The following NFIC variants were observed in gnomAD, a reference collection of about 807,000 sequenced individuals.
NFIC encodes the protein nuclear factor I C.
Under a neutral mutation model 54.4 loss-of-function variants are expected in NFIC, and 12 were observed. The observed-to-expected ratio is 0.22, with a 90% CI of 0.14 to 0.36. The LOEUF is 0.36. NFIC is among the 10% of genes least tolerant of loss of function. NFIC has a pLI of 1.00. For synonymous variants in NFIC, 322 were observed against 319.2 expected, an observed-to-expected ratio of 1.01 and a Z score of -0.09; for missense variants, 575 against 718.2, an observed-to-expected ratio of 0.80 and a Z score of 2.28.
At chr19:3,368,362 C>T (rs575089181) in intron 1 of NFIC, among the ~76,000 whole-genome samples, 1 of 152,090 alleles carries the variant, frequency 6.6e-6, no homozygotes, top group Non-Finnish European at 1.5e-5. Context: ...TTAGTAAGAA[C>T]CCCAGTCCAG....
At position 3,402,318 on chromosome 19, in the gene NFIC, G is replaced by A. The variant is rs560337391; in HGVS notation, c.562+20075G>A. ...CCCAGCCTCAGCCTCCCACAGTGCT[G>A]GGATTACAGGCTGGAGCCACTGCGC... On this transcript the variant is annotated intron_variant, in intron 2 of 10. Transcript: ENST00000443272. Among the ~76,000 whole-genome samples the A allele has an allele frequency of 9.2e-5, 14 of 152,338 alleles. No homozygotes were observed. In the South Asian group the frequency reaches 2.5e-3, roughly 27 times the overall value.
intron 2 of NFIC, among the ~76,000 whole-genome samples, chr19:3,385,092 G>A (rs2081273171): frequency 7.0e-6 from 1 of 142,314 alleles, no homozygotes; most frequent in African/African-American, 2.6e-5. Flanking sequence ...TCTGAGTGAA[G>A]GCTGCACCCT....
At chr19:3,413,662 T>C (rs1292483238) in intron 2 of NFIC, among the ~76,000 whole-genome samples, 1 of 152,128 alleles carries the variant, frequency 6.6e-6, no homozygotes, top group Non-Finnish European at 1.5e-5. Context: ...TTTTTTGAGA[T>C]GGAGTCTCGC....
rs2082692992 is a variant in NFIC, at chr19:3,464,675, C to G, written c.*1906C>G. 4.1e-6 allele frequency: 4 copies of G among 985,188 alleles called. No individual in the cohort carries two copies. The highest frequency in any genetic ancestry group is 2.4e-6 in the Non-Finnish European group (2 of 830,170). 61.0% of individuals were successfully genotyped at this position (985,188 alleles called of 1,614,324 possible). On this transcript the variant is annotated 3_prime_UTR_variant, in exon 11 of 11. Transcript: ENST00000443272. ...CCCCCCTGCCCCCGAAAACCAGACTCTCCTCCCAAACTAGCCTCAGGAGCT... is the reference window on the plus strand; with the variant it reads ...CCCCCCTGCCCCCGAAAACCAGACTGTCCTCCCAAACTAGCCTCAGGAGCT...
intron 9 of NFIC, 98 bp from the exon 10 acceptor site, chr19:3,456,452 G>A: frequency 8.5e-7 from 1 of 1,181,848 alleles, no homozygotes; most frequent in East Asian, 2.6e-5. Context: ...AGGCCCGGCT[G>A]TGTGACGCCT....
At chr19:3,448,823 C>G (rs998141284) in intron 6 of NFIC, among the ~76,000 whole-genome samples, 191 bp from the exon 7 acceptor site, 2 of 152,168 alleles carry the variant, frequency 1.3e-5, no homozygotes, top group Non-Finnish European at 2.9e-5. Flanking sequence ...CCCTGGCTAG[C>G]CCCTTCTCTG....
intron 10 of NFIC, 97 bp from the exon 11 acceptor site, chr19:3,462,655 C>A: frequency 7.3e-7 from 1 of 1,363,048 alleles, no homozygotes; most frequent in South Asian, 1.2e-5. Context: ...GGGGGGTGAG[C>A]GTGGGAAGAG....
intron 4 of NFIC, 107 bp downstream of exon 4, chr19:3,433,699 C>A: frequency 5.7e-6 from 7 of 1,231,300 alleles, no homozygotes; most frequent in South Asian, 5.1e-5. Flanking sequence ...CCAGACAACC[C>A]CCTGTGTCAC....
At chr19:3,400,490 T>A (rs1156303546) in intron 2 of NFIC, among the ~76,000 whole-genome samples, 1 of 149,174 alleles carries the variant, frequency 6.7e-6, no homozygotes, top group African/African-American at 2.5e-5. Context: ...AAAAAAAAAA[T>A]TCTGCCCTCG....
chr19:3,415,453 A>G (rs1012897483), intron 2 of NFIC, among the ~76,000 whole-genome samples: 6 of 151,682 alleles, frequency 4.0e-5, no homozygotes, highest in African/African-American at 1.2e-4. Context: ...ACTCAATCCT[A>G]TTTTGTTCTA....
chr19:3,429,273 C>T (rs1419696411), intron 3 of NFIC, among the ~76,000 whole-genome samples: 1 of 142,056 alleles, frequency 7.0e-6, no homozygotes, highest in African/African-American at 2.6e-5. Flanking sequence ...CACACACACA[C>T]ACACACACAC....
At chr19:3,382,268 G>A in intron 2 of NFIC, 25 bp downstream of exon 2, 2 of 1,587,662 alleles carry the variant, frequency 1.3e-6, no homozygotes, top group Non-Finnish European at 1.7e-6. Flanking sequence ...CCTGAGCGGA[G>A]CGGCCAGCGG....
intron 7 of NFIC, among the ~76,000 whole-genome samples, chr19:3,450,829 C>T (rs958529382): frequency 6.6e-6 from 1 of 152,178 alleles, no homozygotes; most frequent in Non-Finnish European, 1.5e-5. Context: ...ATCAAAGCAG[C>T]CATTTGGGCC....
chr19:3,384,815 A>C (rs1305163740), intron 2 of NFIC, among the ~76,000 whole-genome samples: 1 of 151,754 alleles, frequency 6.6e-6, no homozygotes, highest in Non-Finnish European at 1.5e-5. Flanking sequence ...GTGGGGGCAG[A>C]GAGGTGGGCC....
chr19:3,397,705 G>C (rs867720964), intron 2 of NFIC, among the ~76,000 whole-genome samples: 8 of 152,160 alleles, frequency 5.3e-5, no homozygotes, highest in African/African-American at 1.7e-4. Context: ...TGGGCCTCTT[G>C]TTCCTGGCCA....
intron 6 of NFIC, among the ~76,000 whole-genome samples, chr19:3,444,276 T>C (rs1236220225): frequency 6.6e-6 from 1 of 151,972 alleles, no homozygotes; most frequent in Non-Finnish European, 1.5e-5. Context: ...TGGGCGTGTG[T>C]GTTAAACAGA....
At chr19:3,433,426 GGC>G in intron 3 of NFIC, 90 bp from the exon 4 acceptor site, 4 of 1,375,046 alleles carry the variant, frequency 2.9e-6, no homozygotes, top group Non-Finnish European at 4.1e-6. Flanking sequence ...TCCAGGCTCG[GGC>G]CAGCCCCCAG....
chr19:3,461,154 G>A (rs2082632325), intron 10 of NFIC, among the ~76,000 whole-genome samples: 1 of 151,072 alleles, frequency 6.6e-6, no homozygotes, highest in African/African-American at 2.4e-5. Flanking sequence ...TCTTTATAAA[G>A]TGAACAAGGC....
intron 10 of NFIC, among the ~76,000 whole-genome samples, chr19:3,462,039 C>T (rs969554650): frequency 4.1e-5 from 6 of 145,514 alleles, no homozygotes; most frequent in Middle Eastern, 4.2e-3. Context: ...GGCAACAGAG[C>T]GAGACTCTGT....
Sources: gnomAD v4.1 joint callset for allele counts (sites outside exome capture counted in the v4.1 genomes callset) on GRCh38, gnomAD v4.1.1 for gene constraint, MANE v1.5 for transcripts, NCBI Gene and HGNC (gene_info 2026-07-23, HGNC 2026-07-21) for gene names.